NHSL2: variants seen among roughly 807,000 people sequenced by gnomAD.
NHSL2 encodes NHS like 2.
NHSL2 carries 27 observed loss-of-function variants against 53.4 expected under a neutral mutation model. That is an observed-to-expected ratio of 0.51 (90% CI 0.37 to 0.70). The LOEUF (loss-of-function observed/expected upper bound fraction) is 0.70. NHSL2 is among the 30% of genes least tolerant of loss of function. The pLI is 0.00. For synonymous variants in NHSL2, 408 were observed against 404.1 expected, an observed-to-expected ratio of 1.01 and a Z score of -0.12; for missense variants, 892 against 980.1, an observed-to-expected ratio of 0.91 and a Z score of 1.20.
chrX:72,093,721 GCTTTCTTTCTTTCTTTCTTTCTTTCTTT>G (rs545225009), intron 1 of NHSL2, among the ~76,000 whole-genome samples: 3 of 95,301 alleles, frequency 3.1e-5, no homozygotes, highest in Non-Finnish European at 4.1e-5. Flanking sequence ...TAGCTTGCTT[GCTTTCTTTCTTTCTTTCTTTCTTTCTTT>G]CTTTCTTTCT....
At chrX:72,083,555 T>A (rs1244576581) in intron 1 of NHSL2, among the ~76,000 whole-genome samples, 1 of 112,287 alleles carries the variant, frequency 8.9e-6, no homozygotes, top group Non-Finnish European at 1.9e-5. Flanking sequence ...AATATCTACA[T>A]AGAATTTAAT....
chrX:72,011,472 C>A (rs2042115301), intron 1 of NHSL2, among the ~76,000 whole-genome samples: 2 of 112,114 alleles, frequency 1.8e-5, no homozygotes, highest in Non-Finnish European at 3.8e-5. Flanking sequence ...GAGATCAAGA[C>A]CATCGTGGCC....
chrX:71,997,507 T>C (rs192991572), intron 1 of NHSL2, among the ~76,000 whole-genome samples: 7 of 112,220 alleles, frequency 6.2e-5, no homozygotes, highest in Non-Finnish European at 1.1e-4. Context: ...CCAAGAATGA[T>C]AGGAATTCAA....
intron 1 of NHSL2, among the ~76,000 whole-genome samples, chrX:71,999,625 A>G (rs1475740945): frequency 8.9e-6 from 1 of 112,254 alleles, no homozygotes; most frequent in African/African-American, 3.2e-5. Context: ...TGAACTCCAA[A>G]TAAGTTTGTA....
chrX:72,018,799 C>CG (rs1479160841), intron 1 of NHSL2, among the ~76,000 whole-genome samples: 1 of 112,740 alleles, frequency 8.9e-6, no homozygotes, highest in Non-Finnish European at 1.9e-5. Context: ...CACCGGCCCG[C>CG]GCTGCTCTGG....
Position 72,139,655 on chromosome X carries a change from G to A in NHSL2, c.2107G>A (p.Gly703Arg). 1 of 1,211,136 alleles carries A rather than the reference G, an allele frequency of 8.3e-7. No homozygotes were observed. Among genetic ancestry groups the A allele is most frequent in the Non-Finnish European group, 1.1e-6 (1 of 895,279 alleles). The part of the protein sequence containing the change: ...EVEAREISSP[G>R]RPPGLMSPSS... ...GGAGGCCAGGGAGATATCATCCCCGGGAAGGCCCCCTGGACTGATGTCACC... is the reference window on the plus strand; with the variant it reads ...GGAGGCCAGGGAGATATCATCCCCGAGAAGGCCCCCTGGACTGATGTCACC... The change falls in exon 6 of 8, where the codon GGA becomes AGA. Residue 703 changes from glycine to arginine, a missense_variant. Transcript: ENST00000633930.
At chrX:72,098,377 G>C (rs1000734570) in intron 1 of NHSL2, among the ~76,000 whole-genome samples, 1 of 111,673 alleles carries the variant, frequency 9.0e-6, no homozygotes, top group Non-Finnish European at 1.9e-5. Flanking sequence ...TCAGGAGACC[G>C]AGACCATCCT....
chrX:72,102,107 T>C (rs2041999099), intron 1 of NHSL2, among the ~76,000 whole-genome samples: 1 of 112,665 alleles, frequency 8.9e-6, no homozygotes, highest in African/African-American at 3.2e-5. Context: ...TAGCATTCTC[T>C]TGGACGGATA....
chrX:72,132,535 T>G (rs1462088589), intron 2 of NHSL2, among the ~76,000 whole-genome samples: 1 of 106,691 alleles, frequency 9.4e-6, no homozygotes, highest in African/African-American at 3.5e-5. Flanking sequence ...GGTGGGAGAC[T>G]CCCACAATGT....
chrX:71,964,313 G>A (rs1271919809), intron 1 of NHSL2, among the ~76,000 whole-genome samples: 1 of 104,848 alleles, frequency 9.5e-6, no homozygotes, highest in Non-Finnish European at 1.9e-5. Flanking sequence ...AACATGCAGT[G>A]TTTGGTTTTC....
At position 72,018,805 on chromosome X, in the gene NHSL2, T is replaced by C. The variant is rs752809101; in HGVS notation, c.280+107438T>C. 2.6e-3 allele frequency among the ~76,000 whole-genome samples: 296 copies of C among 112,608 alleles called. 1 individual carries two copies. The highest frequency in any genetic ancestry group is 9.1e-3 in the African/African-American group (284 of 31,131). On this transcript the variant is annotated intron_variant, in intron 1 of 7. Coordinates refer to ENST00000633930, the MANE Select transcript of NHSL2 (RefSeq NM_001013627.3). ...CTGCGGGGCCACCGGCCCGCGCTGC[T>C]CTGGCTGCCAAAGGCCGGCGCTGCC...
chrX:72,115,431 C>CGGGGGGGG (rs11336322), intron 1 of NHSL2, among the ~76,000 whole-genome samples: 1 of 15,994 alleles, frequency 6.3e-5, no homozygotes, highest in African/African-American at 1.8e-4. Context: ...TTGGTGGGGG[C>CGGGGGGGG]GGGGGGGGGG....
In NHSL2 at chrX:72,131,773, A is replaced by AGGGC. The variant is rs1381030031; in HGVS notation, c.281-299_281-296dup. The AGGGC allele has an allele frequency of 1.3e-5, 3 of 224,103 alleles. No homozygotes were observed. The East Asian group carries it at 2.4e-4, about 18-fold the overall frequency. 18.5% of individuals were successfully genotyped at this position (224,103 alleles called of 1,213,427 possible). A position where few individuals can be genotyped will look rare whatever the true frequency, so the allele number is the denominator to read the frequency against. On this transcript the variant is annotated intron_variant, in intron 1 of 7. Transcript: ENST00000633930. Reference sequence around the variant, plus strand: ...CGTTACCTCGTCGCCGGGGCCGGAGAGGGCGGGCGGAGGCACGGGGCCCGG... The same window carrying AGGGC: ...CGTTACCTCGTCGCCGGGGCCGGAGAGGGCGGGCGGGCGGAGGCACGGGGCCCGG...
At chrX:71,975,516 T>C (rs895294417) in intron 1 of NHSL2, among the ~76,000 whole-genome samples, 2 of 111,330 alleles carry the variant, frequency 1.8e-5, no homozygotes, top group African/African-American at 3.3e-5. Flanking sequence ...CTATACCCCG[T>C]GATACCCTCC....
intron 1 of NHSL2, among the ~76,000 whole-genome samples, chrX:71,947,908 G>A (rs1441836687): frequency 9.0e-6 from 1 of 111,464 alleles, no homozygotes; most frequent in Non-Finnish European, 1.9e-5. Flanking sequence ...GGTGGGAGGT[G>A]GGTGAGGGAT....
intron 1 of NHSL2, among the ~76,000 whole-genome samples, chrX:72,100,921 G>T: frequency 9.0e-6 from 1 of 111,509 alleles, no homozygotes; most frequent in African/African-American, 3.3e-5. Context: ...GATATAGAAA[G>T]AGCCTGAGTG....
rs765318061 is a variant in NHSL2 at position 72,139,653 on chromosome X, C to T, written c.2105C>T (p.Pro702Leu). ...GTGGAGGCCAGGGAGATATCATCCC[C>T]GGGAAGGCCCCCTGGACTGATGTCA... The part of the protein sequence containing the change: ...IEVEAREISS[P>L]GRPPGLMSPS... The change falls in exon 6 of 8, where the codon CCG (proline) becomes CTG (leucine). Residue 702 changes from proline (P) to leucine (L), a missense_variant. Transcript: ENST00000633930. The T allele has an allele frequency of 1.7e-5, 20 of 1,208,854 alleles. No individual in the cohort carries two copies. Among genetic ancestry groups the T allele is most frequent in the African/African-American group, 5.3e-5 (3 of 56,888 alleles).
chrX:72,005,058 T>C (rs763737539), intron 1 of NHSL2, among the ~76,000 whole-genome samples: 36 of 111,584 alleles, frequency 3.2e-4, no homozygotes, highest in Middle Eastern at 4.6e-3. Flanking sequence ...TTTGTTCATC[T>C]TTCTATCCTC....
intron 1 of NHSL2, among the ~76,000 whole-genome samples, chrX:72,003,303 C>G (rs1416950780): frequency 9.0e-6 from 1 of 111,372 alleles, no homozygotes; most frequent in East Asian, 2.8e-4. Flanking sequence ...CTAGAAGTTT[C>G]ACTCTGGAGC....
Sources: gnomAD v4.1 joint callset for allele counts (sites outside exome capture counted in the v4.1 genomes callset) on GRCh38, gnomAD v4.1.1 for gene constraint, MANE v1.5 for transcripts, NCBI Gene and HGNC (gene_info 2026-07-23, HGNC 2026-07-21) for gene names.